The following FRYL variants were observed in gnomAD, a reference collection of about 807,000 sequenced individuals.
FRYL encodes the protein FRY like transcription coactivator.
A neutral mutation model predicts 351.2 loss-of-function variants in FRYL; 150 were observed. The ratio of observed to expected loss-of-function variants is 0.43; its 90% confidence interval spans 0.37 to 0.49. The LOEUF (loss-of-function observed/expected upper bound fraction) is 0.49, where lower values mean the gene tolerates loss of function less well. Ranked by LOEUF, FRYL falls within the 20% of genes least tolerant of loss-of-function variation. The probability of loss-of-function intolerance (pLI) is 0.00; values close to 1 mark genes in which losing one functional copy is unlikely to be tolerated. For missense variants in FRYL, 3,036 were observed against 3,619.3 expected (o/e 0.84, Z 4.13); for synonymous variants, 1,153 against 1,257.1 (o/e 0.92, Z 1.75).
chr4:48,585,906 T>C (rs1454834810), intron 19 of FRYL, among the ~76,000 whole-genome samples: 1 of 152,228 alleles, frequency 6.6e-6, no homozygotes, highest in East Asian at 1.9e-4. Context: ...TCTACTGATC[T>C]ATGAACACTA....
chr4:48,563,154 A>G (rs140659838), intron 31 of FRYL, among the ~76,000 whole-genome samples, 166 bp from the exon 32 acceptor site: 18 of 152,258 alleles, frequency 1.2e-4, no homozygotes, highest in Non-Finnish European at 2.6e-4. Context: ...ATGCATGGTG[A>G]TAATTGTCCT....
intron 50 of FRYL, among the ~76,000 whole-genome samples, 172 bp from the exon 51 acceptor site, chr4:48,528,508 TA>T (rs1326342983): frequency 2.0e-5 from 3 of 152,126 alleles, no homozygotes; most frequent in African/African-American, 4.8e-5. Context: ...GATATATATA[TA>T]TTTTTAATCA....
chr4:48,579,241 T>C lies in FRYL; in HGVS notation c.2260A>G (p.Thr754Ala), dbSNP rs188966880. 4,421 of 1,596,426 alleles carry C rather than the reference T, an allele frequency of 2.8e-3. 12 individuals carry two copies. Among genetic ancestry groups the C allele is most frequent in the Non-Finnish European group, 3.6e-3 (4,175 of 1,173,538 alleles). Reference sequence around the variant, plus strand: ...GAGCTAGGGCAATAGAGCAAAGTAGTCTATATGGAGAGGAAAAAATTGATT... The same window carrying C: ...GAGCTAGGGCAATAGAGCAAAGTAGCCTATATGGAGAGGAAAAAATTGATT... ...SFIHLTGADQTTLLYCPSSID... is the reference protein window; with the variant it reads ...SFIHLTGADQATLLYCPSSID... The change falls in exon 23 of 64, where the codon ACT (threonine) becomes GCT (alanine). Residue 754 changes from threonine (T) to alanine (A), a missense_variant and splice_region_variant. By Grantham distance (58) the Thr-to-Ala change is moderately conservative (BLOSUM62 0). Transcript: ENST00000358350.
chr4:48,666,061 A>C (rs1761662149), intron 3 of FRYL, among the ~76,000 whole-genome samples: 1 of 152,220 alleles, frequency 6.6e-6, no homozygotes. Flanking sequence ...AAGAGCAAAA[A>C]TAACTCTTAA....
chr4:48,590,105 C>G lies in FRYL; in HGVS notation c.1508-228G>C, dbSNP rs1313452160. The stretch of plus-strand genomic sequence containing the variant: ...GACTAAAACTAAGTTGAAGAAAGGA[C>G]AGAATGCAGTGAATAGGATCCTGTG... On this transcript the variant is annotated intron_variant, in intron 17 of 63. Coordinates refer to ENST00000358350, the MANE Select transcript of FRYL (RefSeq NM_015030.2). Among the ~76,000 whole-genome samples, 6 of 152,124 alleles carry G rather than the reference C, an allele frequency of 3.9e-5. No homozygotes were observed. The East Asian group carries it at 1.2e-3, about 29-fold the overall frequency.
rs1744465063 is a variant in FRYL, at chr4:48,595,774, C to T, written c.1140-76G>A. On this transcript the variant is annotated intron_variant, in intron 14 of 63. Coordinates refer to ENST00000358350, the MANE Select transcript of FRYL (RefSeq NM_015030.2). ...TTAGCAAAAAATTCTTCCTATTCTT[C>T]ATAATATATTGACAGAATTCATATT... 4 of 1,113,362 alleles carry T rather than the reference C, an allele frequency of 3.6e-6. No individual in the cohort carries two copies. In the South Asian group the frequency reaches 4.3e-5, roughly 12 times the overall value. The allele number at this position is 1,113,362 out of a possible 1,614,324, so 69.0% of individuals were successfully genotyped here. A position where few individuals can be genotyped will look rare whatever the true frequency, so the allele number is the denominator to read the frequency against.
At position 48,504,453 on chromosome 4, in the gene FRYL, A is replaced by G. The variant is rs186298057; in HGVS notation, c.8463+1094T>C. ...ATATAAACACCTAGTTTTTGTAGGAAAAAAGGTTACATTACTTGCCGAAGT... is the reference window on the plus strand; with the variant it reads ...ATATAAACACCTAGTTTTTGTAGGAGAAAAGGTTACATTACTTGCCGAAGT... On this transcript the variant is annotated intron_variant, in intron 60 of 63. Transcript: ENST00000358350. Among the ~76,000 whole-genome samples, 10 of 152,264 alleles carry G rather than the reference A, an allele frequency of 6.6e-5. No homozygotes were observed. In the East Asian group the frequency reaches 1.5e-3, roughly 23 times the overall value.
intron 2 of FRYL, among the ~76,000 whole-genome samples, chr4:48,692,518 G>A (rs1765767564): frequency 6.6e-6 from 1 of 151,778 alleles, no homozygotes; most frequent in African/African-American, 2.4e-5. Flanking sequence ...TCAGCCTCCT[G>A]AGTAGCTGGG....
chr4:48,526,473 G>T (rs1726259936), intron 53 of FRYL, among the ~76,000 whole-genome samples: 1 of 152,180 alleles, frequency 6.6e-6, no homozygotes, highest in African/African-American at 2.4e-5. Context: ...GGGCCAATGA[G>T]ATGTTACAAG....
intron 59 of FRYL, chr4:48,506,615 A>AATATATATAT (rs55736457): frequency 8.4e-5 from 6 of 71,752 alleles, no homozygotes; most frequent in Admixed American, 1.4e-4. Context: ...CAATACAACT[A>AATATATATAT]ATATATATAT....
At chr4:48,622,789 C>A (rs1349120285) in intron 5 of FRYL, among the ~76,000 whole-genome samples, 1 of 151,612 alleles carries the variant, frequency 6.6e-6, no homozygotes, top group Admixed American at 6.6e-5. Flanking sequence ...GAGAGCCCCA[C>A]AGAAAAATAA....
chr4:48,679,373 A>AT (rs992733374), intron 3 of FRYL, among the ~76,000 whole-genome samples: 4 of 152,166 alleles, frequency 2.6e-5, no homozygotes, highest in African/African-American at 9.7e-5. Flanking sequence ...TAAATATACT[A>AT]TTTTTTAAAC....
chr4:48,531,351 A>T lies in FRYL; in HGVS notation c.6708T>A (p.Ser2236Arg). The T allele has an allele frequency of 6.2e-7, 1 of 1,609,236 alleles. No homozygotes were observed. Reference sequence around the variant, plus strand: ...TGTTAAGGGCTTCCTTCCAGTAAGGACTCTGGTTTAAAAAATAATTGACAC... The same window carrying T: ...TGTTAAGGGCTTCCTTCCAGTAAGGTCTCTGGTTTAAAAAATAATTGACAC... ...IIKIIGKYVQ[S>R]PYWKEALNIL... The change falls in exon 50 of 64, where the codon AGT (serine) becomes AGA (arginine). Residue 2236 changes from serine (S) to arginine (R), a missense_variant and splice_region_variant. By Grantham distance (110) the Ser-to-Arg change is moderately radical (BLOSUM62 -1). Transcript: ENST00000358350.
intron 1 of FRYL, among the ~76,000 whole-genome samples, chr4:48,773,682 T>G (rs1425144553): frequency 1.3e-5 from 2 of 152,140 alleles, no homozygotes; most frequent in Non-Finnish European, 2.9e-5. Context: ...TCCCAGCACT[T>G]TGGGAGGCCA....
At chr4:48,537,512 T>C (rs1184939748) in intron 47 of FRYL, among the ~76,000 whole-genome samples, 2 of 152,176 alleles carry the variant, frequency 1.3e-5, no homozygotes, top group East Asian at 3.8e-4. Context: ...ATTTGCATAA[T>C]GAAGGAGCAC....
chr4:48,648,365 C>A (rs922524941), intron 3 of FRYL, among the ~76,000 whole-genome samples: 1 of 152,166 alleles, frequency 6.6e-6, no homozygotes, highest in Non-Finnish European at 1.5e-5. Flanking sequence ...TCCCACCATG[C>A]TCTCCATAGC....
intron 1 of FRYL, among the ~76,000 whole-genome samples, chr4:48,720,979 T>G (rs1181913983): frequency 1.3e-5 from 2 of 152,228 alleles, no homozygotes; most frequent in East Asian, 3.8e-4. Context: ...CCAGTTACTC[T>G]GCTAGGTGCA....
chr4:48,705,876 G>T (rs189252158), intron 2 of FRYL, among the ~76,000 whole-genome samples: 1 of 151,584 alleles, frequency 6.6e-6, no homozygotes, highest in Non-Finnish European at 1.5e-5. Flanking sequence ...TCACTCTGTC[G>T]CCCAGGCTGG....
At chr4:48,640,454 G>C (rs1214790953) in intron 3 of FRYL, among the ~76,000 whole-genome samples, 1 of 152,150 alleles carries the variant, frequency 6.6e-6, no homozygotes, top group East Asian at 1.9e-4. Flanking sequence ...TTCTGGAAAA[G>C]ACTGTAGAGT....
Sources: gnomAD v4.1 joint callset for allele counts (sites outside exome capture counted in the v4.1 genomes callset) on GRCh38, gnomAD v4.1.1 for gene constraint, MANE v1.5 for transcripts, NCBI Gene and HGNC (gene_info 2026-07-23, HGNC 2026-07-21) for gene names.